Variants in ELFN2 observed in about 807,000 individuals in gnomAD.
ELFN2 encodes the protein extracellular leucine rich repeat and fibronectin type III domain containing 2.
A neutral mutation model predicts 45.5 loss-of-function variants in ELFN2; 17 were observed. The observed-to-expected ratio is 0.37, with a 90% CI of 0.26 to 0.56. The LOEUF (loss-of-function observed/expected upper bound fraction) is 0.56. Among genes scored for constraint, ELFN2 ranks in the 20% least tolerant of loss-of-function variants. The pLI is 0.77. For missense variants in ELFN2, 922 were observed against 1,183.2 expected (o/e 0.78, Z 3.24); for synonymous variants, 550 against 551.5 (o/e 1.00, Z 0.04).
chr22:37,396,206 C>T (rs573113968), intron 2 of ELFN2, among the ~76,000 whole-genome samples: 1 of 152,350 alleles, frequency 6.6e-6, no homozygotes, highest in African/African-American at 2.4e-5. Context: ...ATTTTATAAA[C>T]TAAGTATCAG....
chr22:37,372,968 G>A lies in ELFN2; in HGVS notation c.*104C>T, dbSNP rs1601744282. On this transcript the variant is annotated 3_prime_UTR_variant, in exon 3 of 3. Coordinates refer to ENST00000402918, the MANE Select transcript of ELFN2 (RefSeq NM_052906.5). The surrounding 1 kb of genome is among the most constrained non-coding windows in gnomAD (Gnocchi z 4.4). ...CGGGTCTGCATGTGCGTCCTCTCCT[G>A]GGCCTTGGCCCCCGAGTCTGCTCCC... 1 of 1,346,494 alleles carries A rather than the reference G, an allele frequency of 7.4e-7. No homozygotes were observed. Among genetic ancestry groups the A allele is most frequent in the East Asian group, 2.5e-5 (1 of 40,750 alleles). The allele number at this position is 1,346,494 out of a possible 1,614,324, so 83.4% of individuals were successfully genotyped here.
At chr22:37,387,183 C>T (rs1304987538) in intron 2 of ELFN2, among the ~76,000 whole-genome samples, 1 of 152,200 alleles carries the variant, frequency 6.6e-6, no homozygotes, top group African/African-American at 2.4e-5. Context: ...GCCTCTGTCC[C>T]TGTCCCCTCT....
intron 1 of ELFN2, among the ~76,000 whole-genome samples, chr22:37,361,465 C>T (rs2145622250): frequency 6.6e-6 from 1 of 152,132 alleles, no homozygotes; most frequent in South Asian, 2.1e-4. Context: ...TTCCACCTCC[C>T]CAGTCCCCGC....
chr22:37,363,099 C>T (rs1025234873), downstream of ELFN2, among the ~76,000 whole-genome samples: 4 of 152,160 alleles, frequency 2.6e-5, no homozygotes, highest in East Asian at 1.9e-4. Flanking sequence ...GTCAGTCCTG[C>T]GTAGTTATTT....
chr22:37,378,864 C>T (rs1931662396), intron 2 of ELFN2, among the ~76,000 whole-genome samples: 2 of 152,378 alleles, frequency 1.3e-5, no homozygotes, highest in African/African-American at 4.8e-5. Context: ...TGGCCCCTAG[C>T]CCAGCTGTTC....
Position 37,417,040 on chromosome 22 carries a change from G to A in ELFN2, c.-463+729C>T, listed in dbSNP as rs554367150. 6.0e-5 allele frequency among the ~76,000 whole-genome samples: 9 copies of A among 151,260 alleles called. No individual in the cohort carries two copies. The highest frequency in any genetic ancestry group is 1.9e-4 in the East Asian group (1 of 5,132). On this transcript the variant is annotated intron_variant, in intron 2 of 2. Transcript: ENST00000402918. The surrounding 1 kb of genome is among the most constrained non-coding windows in gnomAD (Gnocchi z 4.5). ...GCCACAGAGGCGGCTCCCTCACCAC[G>A]GCAACCACCGTCACTCAGCGCCGCC...
rs545272853 is a variant in ELFN2 at position 37,352,622 on chromosome 22, G to A, written n.149-9919C>T. Among the ~76,000 whole-genome samples the A allele has an allele frequency of 8.6e-5, 13 of 150,680 alleles. No individual in the cohort carries two copies. In the South Asian group the frequency reaches 2.7e-3, roughly 31 times the overall value. Reference sequence around the variant, plus strand: ...AAGAAGCTGGCGTGGCAAAGTTGGGGTATATATACCATTCTAGATGGAGGC... The same window carrying A: ...AAGAAGCTGGCGTGGCAAAGTTGGGATATATATACCATTCTAGATGGAGGC... On this transcript the variant is annotated intron_variant and non_coding_transcript_variant, in intron 1 of 2. Transcript: ENST00000452946.
Position 37,373,771 on chromosome 22 carries a change from G to A in ELFN2, c.1764C>T (p.Ser588=), listed in dbSNP as rs1303328688. 1 of 1,585,542 alleles carries A rather than the reference G, an allele frequency of 6.3e-7. No homozygotes were observed. Among genetic ancestry groups the A allele is most frequent in the Non-Finnish European group, 8.5e-7 (1 of 1,171,392 alleles). Residue 588 remains serine (S), a synonymous_variant, in exon 3 of 3, where the codon TCC becomes TCT. Coordinates refer to ENST00000402918, the MANE Select transcript of ELFN2 (RefSeq NM_052906.5). ...CCAGGGCCCCGGGGCCAGTGGCTGA[G>A]GAGGCGGCAGCAGCTGCAGGGAGGG... The part of the protein sequence containing the change: ...CQSLPAAAAA[S]SATGPGALER...
chr22:37,390,243 G>A (rs1447895822), intron 2 of ELFN2, among the ~76,000 whole-genome samples: 3 of 152,226 alleles, frequency 2.0e-5, no homozygotes, highest in South Asian at 4.1e-4. Context: ...AGTGCCCAGC[G>A]CCTGACACAG....
intron 2 of ELFN2, among the ~76,000 whole-genome samples, chr22:37,397,830 G>A (rs1348050912): frequency 6.6e-6 from 1 of 152,046 alleles, no homozygotes; most frequent in African/African-American, 2.4e-5. Flanking sequence ...CAGGCGTTCT[G>A]GGAGGCTGTG....
At chr22:37,388,429 A>G (rs916678739) in intron 2 of ELFN2, among the ~76,000 whole-genome samples, 3 of 152,134 alleles carry the variant, frequency 2.0e-5, no homozygotes, top group African/African-American at 7.2e-5. Flanking sequence ...TGCTCAATAA[A>G]TATTTGTTCA....
intron 2 of ELFN2, among the ~76,000 whole-genome samples, chr22:37,382,262 C>T (rs1931804691): frequency 6.6e-6 from 1 of 151,596 alleles, no homozygotes; most frequent in African/African-American, 2.4e-5. Context: ...AGTAACAGGG[C>T]TCTCAGCGCC....
rs933541510 is a variant in ELFN2 at position 37,417,086 on chromosome 22, G to A, written c.-463+683C>T. Among the ~76,000 whole-genome samples the A allele has an allele frequency of 1.3e-5, 2 of 151,156 alleles. No homozygotes were observed. The highest frequency in any genetic ancestry group is 3.0e-5 in the Non-Finnish European group (2 of 67,740). On this transcript the variant is annotated intron_variant, in intron 2 of 2. Transcript: ENST00000402918. The surrounding 1 kb of genome is among the most constrained non-coding windows in gnomAD (Gnocchi z 4.5). ...CCGCCTGGACAACAGCTCCCTCCAC[G>A]TGGCCGCCACCAACACAGCCTCGGT...
intron 2 of ELFN2, among the ~76,000 whole-genome samples, chr22:37,402,696 C>G (rs1932394953): frequency 6.6e-6 from 1 of 152,148 alleles, no homozygotes; most frequent in South Asian, 2.1e-4. Flanking sequence ...GGGAAGCCTC[C>G]CTGGCAGCTG....
intron 2 of ELFN2, among the ~76,000 whole-genome samples, chr22:37,378,163 G>A (rs777268157): frequency 4.6e-5 from 7 of 152,260 alleles, no homozygotes; most frequent in Admixed American, 6.5e-5. Context: ...GGGCAGGCGC[G>A]TGTGCACACG....
At chr22:37,355,657 T>A (rs1372857952) in intron 1 of ELFN2, among the ~76,000 whole-genome samples, 6 of 152,164 alleles carry the variant, frequency 3.9e-5, no homozygotes. Context: ...TACACTCAAG[T>A]ATCAGCTCCT....
At position 37,373,250 on chromosome 22, in the gene ELFN2, G is replaced by A. The variant is rs748063686; in HGVS notation, c.2285C>T (p.Ser762Leu). 7.4e-6 allele frequency: 12 copies of A among 1,613,796 alleles called. No homozygotes were observed. The highest frequency in any genetic ancestry group is 5.1e-6 in the Non-Finnish European group (6 of 1,180,008). The stretch of plus-strand genomic sequence containing the variant: ...CCAGATCTTGTGCGTGCTCTCGGAT[G>A]AGTACTCGGGGCTGGAGGAGTACCC... ...YSGYSSSPEYSSESTHKIWER... is the reference protein window; with the variant it reads ...YSGYSSSPEYLSESTHKIWER... The change falls in exon 3 of 3, where the codon TCA (serine) becomes TTA (leucine). Residue 762 changes from serine to leucine, a missense_variant. Transcript: ENST00000402918.
At chr22:37,410,760 G>A (rs947910293) in intron 2 of ELFN2, among the ~76,000 whole-genome samples, 8 of 152,214 alleles carry the variant, frequency 5.3e-5, no homozygotes, top group East Asian at 1.9e-4. Context: ...TGATCGGGCC[G>A]GAGCCCCACG....
chr22:37,388,995 G>C (rs1378062023), intron 2 of ELFN2, among the ~76,000 whole-genome samples: 1 of 152,362 alleles, frequency 6.6e-6, no homozygotes, highest in African/African-American at 2.4e-5. Flanking sequence ...GGGGGAGGTA[G>C]TGGGAGAAGC....
Sources: gnomAD v4.1 joint callset for allele counts (sites outside exome capture counted in the v4.1 genomes callset) on GRCh38, gnomAD v4.1.1 for gene constraint, Gnocchi (gnomAD v3.1) non-coding constraint, MANE v1.5 for transcripts, NCBI Gene and HGNC (gene_info 2026-07-23, HGNC 2026-07-21) for gene names.